The following GPM6B variants were observed in gnomAD, a reference collection of about 807,000 sequenced individuals.
GPM6B encodes the protein neuronal membrane glycoprotein M6-b.
GPM6B carries 4 observed loss-of-function variants against 27.2 expected under a neutral mutation model. That is an observed-to-expected ratio of 0.15 (90% CI 0.07 to 0.34). The LOEUF is 0.34. Among genes scored for constraint, GPM6B ranks in the 10% least tolerant of loss-of-function variants. The pLI is 1.00. For synonymous variants in GPM6B, 124 were observed against 103.1 expected, an observed-to-expected ratio of 1.20 and a Z score of -1.23; for missense variants, 183 against 261.9, an observed-to-expected ratio of 0.70 and a Z score of 2.08.
chrX:13,791,515 C>A (rs562513342), intron 2 of GPM6B, among the ~76,000 whole-genome samples: 1 of 111,860 alleles, frequency 8.9e-6, no homozygotes, highest in East Asian at 2.8e-4. Flanking sequence ...CTTATGCCTT[C>A]ATTTAGCTGG....
chrX:13,912,310 G>C (rs893114479), intron 1 of GPM6B, among the ~76,000 whole-genome samples: 4 of 111,995 alleles, frequency 3.6e-5, no homozygotes, highest in Middle Eastern at 9.2e-3. Flanking sequence ...AATCTCTATA[G>C]TTCAGACAGC....
At chrX:13,776,478 A>G (rs768117950) in intron 6 of GPM6B, among the ~76,000 whole-genome samples, 175 bp from the exon 7 acceptor site, 73 of 111,581 alleles carry the variant, frequency 6.5e-4, no homozygotes, top group African/African-American at 2.3e-3. Flanking sequence ...GGAGCTTTAA[A>G]AACTTTCTGA....
intron 2 of GPM6B, among the ~76,000 whole-genome samples, chrX:13,800,631 T>A (rs755051577): frequency 8.9e-6 from 1 of 112,285 alleles, no homozygotes; most frequent in African/African-American, 3.2e-5. Flanking sequence ...GCATCTTAAC[T>A]GTAAATACAT....
chrX:13,783,574 C>T, intron 3 of GPM6B, 53 bp from the exon 4 acceptor site: 1 of 1,006,611 alleles, frequency 9.9e-7, no homozygotes, highest in Non-Finnish European at 1.4e-6. Flanking sequence ...CTGGTAGTGA[C>T]TACGTTTCTG....
chrX:13,785,960 G>A (rs1242271607), intron 2 of GPM6B, 152 bp from the exon 3 acceptor site: 10 of 460,793 alleles, frequency 2.2e-5, no homozygotes, highest in South Asian at 4.5e-5. Flanking sequence ...CCAAGGGCCA[G>A]TGTGGTAGTT....
chrX:13,872,610 A>AGCACACAG (rs1487434937), intron 1 of GPM6B, among the ~76,000 whole-genome samples: 1 of 110,675 alleles, frequency 9.0e-6, no homozygotes, highest in East Asian at 2.8e-4. Flanking sequence ...TATGAGAGTT[A>AGCACACAG]ACACAAAGAC....
chrX:13,900,646 ACATTGTT>A (rs1464338150), intron 1 of GPM6B, among the ~76,000 whole-genome samples: 4 of 112,205 alleles, frequency 3.6e-5, no homozygotes, highest in Non-Finnish European at 7.5e-5. Context: ...GATTATGCAC[ACATTGTT>A]CATGGTTTCA....
intron 6 of GPM6B, 129 bp downstream of exon 6, chrX:13,777,223 T>G: frequency 2.0e-6 from 1 of 510,263 alleles, no homozygotes; most frequent in Non-Finnish European, 3.4e-6. Flanking sequence ...TAGCTCTATC[T>G]TAAAGATTCT....
intron 1 of GPM6B, among the ~76,000 whole-genome samples, chrX:13,860,359 T>G (rs1192149888): frequency 9.1e-6 from 1 of 109,945 alleles, no homozygotes; most frequent in Non-Finnish European, 1.9e-5. Context: ...TTTGGTATGG[T>G]GAAAGATTCA....
chrX:13,843,041 G>C (rs1241200396), intron 1 of GPM6B, among the ~76,000 whole-genome samples: 1 of 110,159 alleles, frequency 9.1e-6, no homozygotes, highest in Non-Finnish European at 1.9e-5. Context: ...ATCTAATTTT[G>C]AACACTTCAG....
chrX:13,812,911 A>T (rs907922073), intron 1 of GPM6B: 4 of 84,844 alleles, frequency 4.7e-5, no homozygotes, highest in Non-Finnish European at 6.7e-5. Flanking sequence ...TAAATGTTCT[A>T]AAAAAAAAAA....
At chrX:13,862,886 G>A (rs1200346728) in intron 1 of GPM6B, among the ~76,000 whole-genome samples, 1 of 106,425 alleles carries the variant, frequency 9.4e-6, no homozygotes, top group African/African-American at 3.4e-5. Flanking sequence ...CTGTAGAGAT[G>A]GGGTTTTGCT....
chrX:13,880,083 A>C (rs991739298), intron 1 of GPM6B, among the ~76,000 whole-genome samples: 2 of 112,573 alleles, frequency 1.8e-5, no homozygotes, highest in Non-Finnish European at 3.7e-5. Context: ...CGCAAAGAAC[A>C]CAACAATCCT....
intron 1 of GPM6B, among the ~76,000 whole-genome samples, chrX:13,850,953 C>A (rs756881194): frequency 9.1e-5 from 10 of 110,483 alleles, no homozygotes; most frequent in Non-Finnish European, 1.7e-4. Flanking sequence ...CACTTGAGGT[C>A]AGGAGTTCAA....
At position 13,783,449 on chromosome X, in the gene GPM6B, T is replaced by G; in HGVS notation, c.441A>C (p.Ala147=). 8.3e-7 allele frequency: 1 copy of G among 1,205,457 alleles called. No individual in the cohort carries two copies. The highest frequency in any genetic ancestry group is 2.2e-5 in the Admixed American group (1 of 45,903). ...CTGCACTTGTGGTGTAAAAGCCTTC[T>G]GCCAACAGAATGATCCCATACAAGA... is the stretch of plus-strand genomic sequence containing the variant. The part of the protein sequence containing the change: ...FFFLYGIILL[A]EGFYTTSAVK... Residue 147 remains alanine, a synonymous_variant, in exon 4 of 8, where the codon GCA becomes GCC. Coordinates refer to ENST00000316715, the MANE Select transcript of GPM6B (RefSeq NM_001001995.3).
chrX:13,780,086 C>G, intron 4 of GPM6B, 97 bp from the exon 5 acceptor site: 1 of 694,782 alleles, frequency 1.4e-6, no homozygotes, highest in Non-Finnish European at 2.1e-6. Context: ...CAATACTGAC[C>G]TGTGGAACAC....
chrX:13,937,990 G>A (rs1921922347), intron 1 of GPM6B, among the ~76,000 whole-genome samples: 2 of 111,391 alleles, frequency 1.8e-5, no homozygotes, highest in Admixed American at 9.5e-5. Flanking sequence ...CAAGGGTCAT[G>A]GTTTCGAAAT....
chrX:13,862,390 G>T (rs894266407), intron 1 of GPM6B, among the ~76,000 whole-genome samples: 2 of 111,462 alleles, frequency 1.8e-5, no homozygotes, highest in African/African-American at 6.5e-5. Context: ...CACACGTCAG[G>T]ATACTCACTG....
chrX:13,932,157 G>A (rs554128122), intron 1 of GPM6B, among the ~76,000 whole-genome samples: 24 of 110,800 alleles, frequency 2.2e-4, no homozygotes, highest in Middle Eastern at 4.6e-3. Flanking sequence ...TTTACAATCT[G>A]GCCTCAGCTC....
Sources: allele counts gnomAD v4.1 joint callset (sites outside exome capture counted in the v4.1 genomes callset), GRCh38; gene constraint gnomAD v4.1.1; transcripts MANE v1.5; gene names NCBI Gene and HGNC (gene_info 2026-07-23, HGNC 2026-07-21).